Variants in CLCN2 observed in about 807,000 individuals in gnomAD.
The protein encoded by CLCN2 is chloride channel protein 2.
In CLCN2, 72 loss-of-function variants were observed where a neutral mutation model predicts 108.3. That is an observed-to-expected ratio of 0.66 (90% CI 0.55 to 0.81). CLCN2 has a LOEUF of 0.81. Among genes scored for constraint, CLCN2 ranks in the 30% least tolerant of loss-of-function variants. The probability of loss-of-function intolerance (pLI) is 0.00; values close to 1 mark genes in which losing one functional copy is unlikely to be tolerated. For synonymous variants in CLCN2, 471 were observed against 467.1 expected (o/e 1.01, Z -0.11); for missense variants, 1,048 against 1,205.2 (o/e 0.87, Z 1.93).
chr3:184,353,402 A>C lies in CLCN2; in HGVS notation c.1876T>G (p.Ser626Ala), dbSNP rs752704117. Residue 626 changes from serine to alanine, a missense_variant, in exon 17 of 24, where the codon TCC (serine) becomes GCC (alanine). By Grantham distance (99) the Ser-to-Ala change is moderately conservative. Coordinates refer to ENST00000265593, the MANE Select transcript of CLCN2 (RefSeq NM_004366.6). Reference sequence around the variant, plus strand: ...GCCACCACCTGTGAACGCTCGATGGAGCCCAGCAGAATCATGGACTCTGGA... The same window carrying C: ...GCCACCACCTGTGAACGCTCGATGGCGCCCAGCAGAATCATGGACTCTGGA... ...ESPESMILLG[S>A]IERSQVVALL... is the part of the protein sequence containing the mutation. The C allele has an allele frequency of 1.2e-6, 2 of 1,611,470 alleles. No individual in the cohort carries two copies. Among genetic ancestry groups the C allele is most frequent in the Admixed American group, 1.7e-5 (1 of 59,610 alleles).
intron 15 of CLCN2, 130 bp downstream of exon 15, chr3:184,353,971 A>G (rs2108565130): frequency 7.4e-7 from 1 of 1,350,504 alleles, no homozygotes; most frequent in Non-Finnish European, 1.0e-6. Flanking sequence ...CAGCCCCTCC[A>G]GAGTGTGGAC....
Position 184,354,315 on chromosome 3 carries a change from CT to C in CLCN2, c.1508-2del. The C allele has an allele frequency of 6.2e-7, 1 of 1,612,958 alleles. No individual in the cohort carries two copies. The highest frequency in any genetic ancestry group is 8.5e-7 in the Non-Finnish European group (1 of 1,179,928). On this transcript the variant is annotated splice_acceptor_variant, in intron 14 of 23. Coordinates refer to ENST00000265593, the MANE Select transcript of CLCN2 (RefSeq NM_004366.6). LOFTEE classifies it high-confidence loss of function. ...ACCGCTCCTGCCAGCGCAGCTGCCCCTGGGGACAGTCACACTCAGTCTCCTC... is the reference window on the plus strand; with the variant it reads ...ACCGCTCCTGCCAGCGCAGCTGCCCCGGGGACAGTCACACTCAGTCTCCTC...
At position 184,353,729 on chromosome 3, in the gene CLCN2, G is replaced by A; in HGVS notation, c.1788C>T (p.Thr596=). ...RDVPHVALSC[T]FRDLRLALHR... ...GCAGTGCCAAACGCAGGTCCCGGAA[G>A]GTGCAGCTGAGGGCCACATGGGGAA... is the stretch of plus-strand genomic sequence containing the variant. Residue 596 remains threonine, a synonymous_variant, in exon 16 of 24, where the codon ACC becomes ACT. Coordinates refer to ENST00000265593, the MANE Select transcript of CLCN2 (RefSeq NM_004366.6). 1.9e-6 allele frequency: 3 copies of A among 1,608,820 alleles called. No homozygotes were observed. The highest frequency in any genetic ancestry group is 2.5e-6 in the Non-Finnish European group (3 of 1,178,060).
At chr3:184,354,736 G>A in intron 13 of CLCN2, 78 bp from the exon 14 acceptor site, 1 of 1,349,210 alleles carries the variant, frequency 7.4e-7, no homozygotes, top group Non-Finnish European at 1.1e-6. Flanking sequence ...GAGGGTCAGA[G>A]GGTGAGGGAG....
At chr3:184,358,907 A>G (rs1711615915) in intron 2 of CLCN2, 68 bp downstream of exon 2, 1 of 1,612,606 alleles carries the variant, frequency 6.2e-7, no homozygotes, top group Admixed American at 1.7e-5. Context: ...CCCCATCAGC[A>G]GCTCTAATGG....
intron 22 of CLCN2, chr3:184,347,224 G>C (rs1185068809): frequency 1.6e-6 from 1 of 633,344 alleles, no homozygotes; most frequent in Non-Finnish European, 2.9e-6. Context: ...TCAGGAACTT[G>C]ATACTCAAAA....
At position 184,354,559 on chromosome 3, in the gene CLCN2, T is replaced by C. The variant is rs1728388188; in HGVS notation, c.1496A>G (p.Tyr499Cys). ...SSTYRIVPGGYAVVGAAALAG... is the reference protein window; with the variant it reads ...SSTYRIVPGGCAVVGAAALAG... The stretch of plus-strand genomic sequence containing the variant: ...CCTGAGGCACTCACCGACCACAGCG[T>C]AGCCCCCAGGCACAATCCGGTAGGT... Residue 499 changes from tyrosine (Y) to cysteine (C), a missense_variant, in exon 14 of 24, where the codon TAC becomes TGC. Coordinates refer to ENST00000265593, the MANE Select transcript of CLCN2 (RefSeq NM_004366.6). 1 of 1,612,112 alleles carries C rather than the reference T, an allele frequency of 6.2e-7. No individual in the cohort carries two copies. Among genetic ancestry groups the C allele is most frequent in the Non-Finnish European group, 8.5e-7 (1 of 1,179,546 alleles).
At position 184,355,626 on chromosome 3, in the gene CLCN2, G is replaced by A; in HGVS notation, c.1170+68C>T. The A allele has an allele frequency of 3.7e-6, 6 of 1,601,472 alleles. No homozygotes were observed. In the South Asian group the frequency reaches 6.6e-5, roughly 18 times the overall value. ...GAACAAGGGGTCCCACAGTCACACTGGGGCTGTTGGCTTTGGAGGAATGCC... is the reference window on the plus strand; with the variant it reads ...GAACAAGGGGTCCCACAGTCACACTAGGGCTGTTGGCTTTGGAGGAATGCC... On this transcript the variant is annotated intron_variant, in intron 11 of 23. Coordinates refer to ENST00000265593, the MANE Select transcript of CLCN2 (RefSeq NM_004366.6). The surrounding 1 kb of genome is among the most constrained non-coding windows in gnomAD (Gnocchi z 6.3).
Position 184,346,680 on chromosome 3 carries a change from G to T in CLCN2, c.2623C>A (p.Leu875Ile), listed in dbSNP as rs755134167. Residue 875 changes from leucine to isoleucine, a missense_variant, in exon 24 of 24, where the codon CTC becomes ATC. Leu to Ile is a conservative substitution (Grantham distance 5). Transcript: ENST00000265593. The surrounding 1 kb of genome is among the most constrained non-coding windows in gnomAD (Gnocchi z 6.0). ...CCATGACGGGAGTGGGGCCCCCAGA[G>T]TGCATGCACCTCAGTGGTCTCCGTG... ...SDTETTEVHALWGPHSRHGLP... is the reference protein window; with the variant it reads ...SDTETTEVHAIWGPHSRHGLP... The T allele has an allele frequency of 2.5e-6, 4 of 1,614,218 alleles. No individual in the cohort carries two copies. Among genetic ancestry groups the T allele is most frequent in the East Asian group, 2.2e-5 (1 of 44,886 alleles).
chr3:184,352,518 A>G, intron 19 of CLCN2, 22 bp from the exon 20 acceptor site: 1 of 1,611,554 alleles, frequency 6.2e-7, no homozygotes, highest in South Asian at 1.1e-5. Context: ...TTAGAGCCAA[A>G]CCAGAAAGAT....
intron 22 of CLCN2, chr3:184,348,721 G>A (rs551166322): frequency 2.0e-5 from 3 of 152,238 alleles, no homozygotes; most frequent in African/African-American, 7.2e-5. Context: ...CTCCCAAGGA[G>A]CCTATTAAAT....
rs1218371059 is a variant in CLCN2 at position 184,354,216 on chromosome 3, T to A, written c.1606A>T (p.Ile536Phe). ...GQIAHILPVM[I>F]AVILANAVAQ... Reference sequence around the variant, plus strand: ...ACAGCGTTGGCCAGGATGACGGCGATCATGACAGGCAGGATGTGGGCAATC... The same window carrying A: ...ACAGCGTTGGCCAGGATGACGGCGAACATGACAGGCAGGATGTGGGCAATC... Residue 536 changes from isoleucine to phenylalanine, a missense_variant, in exon 15 of 24, where the codon ATC becomes TTC. Ile to Phe is a conservative substitution (Grantham distance 21, BLOSUM62 0). Coordinates refer to ENST00000265593, the MANE Select transcript of CLCN2 (RefSeq NM_004366.6). 3 of 1,613,250 alleles carry A rather than the reference T, an allele frequency of 1.9e-6. No individual in the cohort carries two copies. Among genetic ancestry groups the A allele is most frequent in the Non-Finnish European group, 2.5e-6 (3 of 1,179,904 alleles).
At position 184,355,142 on chromosome 3, in the gene CLCN2, A is replaced by AG. The variant is rs576880710; in HGVS notation, c.1327-170dup. 4.2e-3 allele frequency: 3,293 copies of AG among 790,576 alleles called. 15 individuals carry two copies. Among genetic ancestry groups the AG allele is most frequent in the Non-Finnish European group, 4.4e-3 (2,034 of 466,132 alleles). 49.0% of individuals were successfully genotyped at this position (790,576 alleles called of 1,614,324 possible). A position where few individuals can be genotyped will look rare whatever the true frequency, so the allele number is the denominator to read the frequency against. On this transcript the variant is annotated intron_variant, in intron 12 of 23. Transcript: ENST00000265593. The surrounding 1 kb of genome is among the most constrained non-coding windows in gnomAD (Gnocchi z 6.3). ...CCCCCAGGCCTCCCAGGTGATGGCA[A>AG]GGGGAAGGACTCTGGAAGCAGATGG...
At position 184,352,123 on chromosome 3, in the gene CLCN2, G is replaced by A. The variant is rs1306637639; in HGVS notation, c.2311-6C>T. 2 of 1,611,688 alleles carry A rather than the reference G, an allele frequency of 1.2e-6. No individual in the cohort carries two copies. Among genetic ancestry groups the A allele is most frequent in the Admixed American group, 1.7e-5 (1 of 59,994 alleles). Reference sequence around the variant, plus strand: ...TGCTCCTCCCACTCCAGAATCTGAGGGGAAGAGACTATGAGGTTTAGGGAG... The same window carrying A: ...TGCTCCTCCCACTCCAGAATCTGAGAGGAAGAGACTATGAGGTTTAGGGAG... On this transcript the variant is annotated splice_polypyrimidine_tract_variant and splice_region_variant and intron_variant, in intron 21 of 23. Transcript: ENST00000265593.
chr3:184,357,371 G>A lies in CLCN2; in HGVS notation c.889C>T (p.Arg297Trp), dbSNP rs1373571184. 23 of 1,613,918 alleles carry A rather than the reference G, an allele frequency of 1.4e-5. No individual in the cohort carries two copies. Among genetic ancestry groups the A allele is most frequent in the African/African-American group, 2.7e-5 (2 of 74,918 alleles). ...FIFRVLAVWN[R>W]DEETITALFK... ...CCCTGGGTGCCCCCACCTTCATCCCGGTTCCAGACTGCCAAGACCCGGAAG... is the reference window on the plus strand; with the variant it reads ...CCCTGGGTGCCCCCACCTTCATCCCAGTTCCAGACTGCCAAGACCCGGAAG... Residue 297 changes from arginine (R) to tryptophan (W), a missense_variant, in exon 8 of 24, where the codon CGG becomes TGG. Transcript: ENST00000265593.
Position 184,353,768 on chromosome 3 carries a change from G to C in CLCN2, c.1749C>G (p.Ile583Met). The C allele has an allele frequency of 6.2e-7, 1 of 1,607,006 alleles. No individual in the cohort carries two copies. The highest frequency in any genetic ancestry group is 1.1e-5 in the South Asian group (1 of 89,710). ...CCACATGGGGAACATCCCGCACCAT[G>C]ATGTCCTCCACACGCACCCGGTACT... ...HQQYRVRVEDIMVRDVPHVAL... is the reference protein window; with the variant it reads ...HQQYRVRVEDMMVRDVPHVAL... The change falls in exon 16 of 24, where the codon ATC becomes ATG. Residue 583 changes from isoleucine (I) to methionine (M), a missense_variant. By Grantham distance (10) the Ile-to-Met change is conservative. Coordinates refer to ENST00000265593, the MANE Select transcript of CLCN2 (RefSeq NM_004366.6).
intron 7 of CLCN2, 42 bp from the exon 8 acceptor site, chr3:184,357,529 G>C (rs1728656885): frequency 6.2e-7 from 1 of 1,614,074 alleles, no homozygotes; most frequent in African/African-American, 1.3e-5. Context: ...CCTGGGCCTG[G>C]CCTAAGGCCT....
Position 184,361,548 on chromosome 3 carries a change from A to G in CLCN2, c.-69T>C, listed in dbSNP as rs1712129375. The G allele has an allele frequency of 1.3e-6, 2 of 1,558,964 alleles. No individual in the cohort carries two copies. Among genetic ancestry groups the G allele is most frequent in the African/African-American group, 2.7e-5 (2 of 73,862 alleles). On this transcript the variant is annotated 5_prime_UTR_variant, in exon 1 of 24. Coordinates refer to ENST00000265593, the MANE Select transcript of CLCN2 (RefSeq NM_004366.6). The surrounding 1 kb of genome is among the most constrained non-coding windows in gnomAD (Gnocchi z 6.6). Reference sequence around the variant, plus strand: ...GTCCTGGACTCGGCTCCCGGCCCGCAAAGTCCGCGCCGGCAGCCGTCCCGT... The same window carrying G: ...GTCCTGGACTCGGCTCCCGGCCCGCGAAGTCCGCGCCGGCAGCCGTCCCGT...
Position 184,358,532 on chromosome 3 carries a change from G to A in CLCN2, c.352+150C>T, listed in dbSNP as rs1347152142. 1.0e-5 allele frequency: 12 copies of A among 1,189,318 alleles called. No homozygotes were observed. The Admixed American group carries it at 1.2e-4, about 12-fold the overall frequency. The allele number at this position is 1,189,318 out of a possible 1,614,324, so 73.7% of individuals were successfully genotyped here. A position where few individuals can be genotyped will look rare whatever the true frequency, so the allele number is the denominator to read the frequency against. On this transcript the variant is annotated intron_variant, in intron 3 of 23. Coordinates refer to ENST00000265593, the MANE Select transcript of CLCN2 (RefSeq NM_004366.6). ...GAAGCTGTGCCCTGTGGGAGTGGCC[G>A]AGATGATGCCTGAATCTGGGCAGTC...
Sources: gnomAD v4.1 joint callset for allele counts on GRCh38, gnomAD v4.1.1 for gene constraint, Gnocchi (gnomAD v3.1) non-coding constraint, MANE v1.5 for transcripts, NCBI Gene and HGNC (gene_info 2026-07-23, HGNC 2026-07-21) for gene names.